Variants in CLTCL1 observed in about 807,000 individuals in gnomAD.
The protein encoded by CLTCL1 is clathrin heavy chain like 1, also known as clathrin heavy chain 2.
Under a neutral mutation model 190.0 loss-of-function variants are expected in CLTCL1, and 159 were observed. The ratio of observed to expected loss-of-function variants is 0.84; its 90% CI spans 0.74 to 0.95. The LOEUF is 0.95. Ranked by LOEUF, CLTCL1 falls within the 40% of genes least tolerant of loss-of-function variation. CLTCL1 has a pLI of 0.00. For synonymous variants in CLTCL1, 752 were observed against 769.6 expected (o/e 0.98, Z 0.38); for missense variants, 1,878 against 2,033.4 (o/e 0.92, Z 1.47).
In CLTCL1 at chr22:19,224,109, G is replaced by A. The variant is rs376610427; in HGVS notation, c.2129-55C>T. On this transcript the variant is annotated intron_variant, in intron 13 of 32. Coordinates refer to ENST00000427926, the MANE Select transcript of CLTCL1 (RefSeq NM_007098.4). ...CTTGTAACACCTGCCTGTCTCCTCC[G>A]TAGCTGCTGCCCACCTTCCCTCGAT... The A allele has an allele frequency of 1.9e-5, 30 of 1,585,142 alleles. No homozygotes were observed. The Middle Eastern group carries it at 5.2e-4, about 27-fold the overall frequency.
chr22:19,248,316 AT>A (rs1161751211), intron 3 of CLTCL1, among the ~76,000 whole-genome samples: 2 of 151,766 alleles, frequency 1.3e-5, no homozygotes, highest in Admixed American at 1.3e-4. Flanking sequence ...AAAATTATGA[AT>A]TTTTTTGCAA....
At chr22:19,235,666 G>C in intron 6 of CLTCL1, 30 bp downstream of exon 6, 1 of 1,596,406 alleles carries the variant, frequency 6.3e-7, no homozygotes, top group Non-Finnish European at 8.5e-7. Context: ...GAATGGAAAA[G>C]GTAGAAAATG....
At chr22:19,204,465 C>T (rs894438731) in intron 22 of CLTCL1, among the ~76,000 whole-genome samples, 2 of 152,188 alleles carry the variant, frequency 1.3e-5, no homozygotes, top group African/African-American at 2.4e-5. Context: ...ACCGTTCCAA[C>T]GCTTCTTATC....
rs137899873 is a variant in CLTCL1, at chr22:19,288,578, C to G, written c.42+3022G>C. On this transcript the variant is annotated intron_variant, in intron 1 of 32. Transcript: ENST00000427926. ...AGCACAAAAAAGCTACAAACATTGC[C>G]CTAAATCACACAGCCAGTAAGTGCC... Among the ~76,000 whole-genome samples, 441 of 152,278 alleles carry G rather than the reference C, an allele frequency of 2.9e-3. 4 individuals carry two copies. Among genetic ancestry groups the G allele is most frequent in the Non-Finnish European group, 4.2e-3 (289 of 68,022 alleles).
chr22:19,226,297 C>A lies in CLTCL1; in HGVS notation c.1869G>T (p.Leu623=), dbSNP rs199762610. ...CGGTGTAGTGCTCCAGTGCTTGCTG[C>A]AGGAGGCCTGCCTTCTCACAGAGCT... ...IAQLCEKAGL[L]QQALEHYTDL... The change falls in exon 12 of 33, where the codon CTG becomes CTT. Residue 623 remains leucine (L), a synonymous_variant. Transcript: ENST00000427926. 14 of 1,614,034 alleles carry A rather than the reference C, an allele frequency of 8.7e-6. No homozygotes were observed. In the Admixed American group the frequency reaches 1.8e-4, roughly 21 times the overall value.
chr22:19,280,818 C>CAAA (rs35797654), intron 1 of CLTCL1, among the ~76,000 whole-genome samples: 23 of 59,382 alleles, frequency 3.9e-4, no homozygotes, highest in Admixed American at 5.7e-4. Flanking sequence ...GACTCCATCT[C>CAAA]AAAAAAAAAA....
At chr22:19,214,385 T>C (rs1555948511) in intron 19 of CLTCL1, among the ~76,000 whole-genome samples, 1 of 152,150 alleles carries the variant, frequency 6.6e-6, no homozygotes, top group Non-Finnish European at 1.5e-5. Context: ...GCCCTTCCTC[T>C]CACCGGAGGG....
chr22:19,180,857 G>A, intron 30 of CLTCL1, 51 bp from the exon 31 acceptor site: 2 of 1,536,266 alleles, frequency 1.3e-6, no homozygotes, highest in Admixed American at 1.7e-5. Context: ...GTGCAGTCCG[G>A]CCTCTAGGTG....
chr22:19,260,874 T>C (rs1555975219), intron 2 of CLTCL1, among the ~76,000 whole-genome samples: 4 of 151,474 alleles, frequency 2.6e-5, no homozygotes. Flanking sequence ...ATAGTACATC[T>C]GTTTACAGCA....
At chr22:19,205,694 T>C (rs1356213007) in intron 22 of CLTCL1, among the ~76,000 whole-genome samples, 3 of 152,244 alleles carry the variant, frequency 2.0e-5, no homozygotes, top group African/African-American at 7.2e-5. Context: ...TCTATAGCTA[T>C]ATTTCAAATA....
chr22:19,230,395 C>G (rs576017736), intron 10 of CLTCL1, among the ~76,000 whole-genome samples: 4 of 152,116 alleles, frequency 2.6e-5, no homozygotes, highest in Non-Finnish European at 4.4e-5. Context: ...TAAGCCACTG[C>G]GCCCGGCCCC....
In CLTCL1 at chr22:19,233,393, G is replaced by C. The variant is rs782079282; in HGVS notation, c.1368+29C>G. The C allele has an allele frequency of 6.2e-6, 10 of 1,613,092 alleles. No homozygotes were observed. In the East Asian group the frequency reaches 1.1e-4, roughly 18 times the overall value. ...TGGACCAAGTTTTCAAGCTGTGCGG[G>C]GGGGCTACGAGCTCACAAGTGTTTC... On this transcript the variant is annotated intron_variant, in intron 8 of 32. Transcript: ENST00000427926.
At chr22:19,259,219 C>T (rs1394102788) in intron 2 of CLTCL1, among the ~76,000 whole-genome samples, 1 of 152,118 alleles carries the variant, frequency 6.6e-6, no homozygotes, top group African/African-American at 2.4e-5. Flanking sequence ...GATTCTCCTG[C>T]CTCAGCCTCT....
chr22:19,262,247 C>T (rs994288026), intron 2 of CLTCL1, among the ~76,000 whole-genome samples: 2 of 151,318 alleles, frequency 1.3e-5, no homozygotes, highest in Non-Finnish European at 2.9e-5. Context: ...AGGATGGTCT[C>T]GATCTCTTGA....
chr22:19,256,855 T>G (rs1276189039), intron 2 of CLTCL1, among the ~76,000 whole-genome samples: 1 of 152,002 alleles, frequency 6.6e-6, no homozygotes, highest in Non-Finnish European at 1.5e-5. Context: ...AATATGGAAA[T>G]GCAGAGGACA....
At chr22:19,291,519 G>GT in intron 1 of CLTCL1, 81 bp downstream of exon 1, 1 of 1,217,020 alleles carries the variant, frequency 8.2e-7, no homozygotes. Context: ...CAGCGGGGCT[G>GT]GGGGCGCGGG....
At chr22:19,189,492 T>C (rs1030024118) in intron 27 of CLTCL1, among the ~76,000 whole-genome samples, 1 of 151,858 alleles carries the variant, frequency 6.6e-6, no homozygotes, top group African/African-American at 2.4e-5. Flanking sequence ...GCCCCAGCAG[T>C]AGATTCTATC....
chr22:19,193,477 G>A lies in CLTCL1; in HGVS notation c.4192-2042C>T, dbSNP rs543165444. Among the ~76,000 whole-genome samples, 25 of 152,278 alleles carry A rather than the reference G, an allele frequency of 1.6e-4. 1 individual carries two copies. The East Asian group carries it at 2.5e-3, about 15-fold the overall frequency. ...AGGATGGGGTGAGTCCACTAGCCACGCGCCAGGACATGGAGCACTGGCAGG... is the reference window on the plus strand; with the variant it reads ...AGGATGGGGTGAGTCCACTAGCCACACGCCAGGACATGGAGCACTGGCAGG... On this transcript the variant is annotated intron_variant, in intron 26 of 32. Transcript: ENST00000427926.
intron 27 of CLTCL1, 39 bp downstream of exon 27, chr22:19,191,265 C>T: frequency 6.2e-7 from 1 of 1,612,916 alleles, no homozygotes; most frequent in Non-Finnish European, 8.5e-7. Context: ...TTAGAGCTAG[C>T]CCAATACACT....
Sources: allele counts gnomAD v4.1 joint callset (sites outside exome capture counted in the v4.1 genomes callset), GRCh38; gene constraint gnomAD v4.1.1; transcripts MANE v1.5; gene names NCBI Gene and HGNC (gene_info 2026-07-23, HGNC 2026-07-21).